Variants in EYS observed in about 807,000 individuals in gnomAD.
The protein encoded by EYS is EGF-like photoreceptor maintenance factor, also known as protein eyes shut homolog.
EYS carries 250 observed loss-of-function variants against 282.1 expected under a neutral mutation model. The ratio of observed to expected loss-of-function variants is 0.89; its 90% CI spans 0.80 to 0.98. The LOEUF is 0.98. Ranked by LOEUF, EYS falls within the 50% of genes least tolerant of loss-of-function variation. EYS has a pLI of 0.00. For missense variants in EYS, 4,016 were observed against 3,709.0 expected (o/e 1.08, Z -2.15); for synonymous variants, 1,355 against 1,282.9 (o/e 1.06, Z -1.20).
chr6:65,037,292 A>G (rs963417424), intron 13 of EYS, among the ~76,000 whole-genome samples: 3 of 151,796 alleles, frequency 2.0e-5, no homozygotes, highest in Admixed American at 6.6e-5. Flanking sequence ...GAGAACATTG[A>G]TAAGAGGACC....
chr6:63,777,200 G>A (rs1770087143), intron 40 of EYS, among the ~76,000 whole-genome samples: 1 of 152,056 alleles, frequency 6.6e-6, no homozygotes, highest in Non-Finnish European at 1.5e-5. Flanking sequence ...GGAGGTGGAG[G>A]GGATTTGTTC....
At chr6:63,864,592 A>C (rs1772626765) in intron 35 of EYS, among the ~76,000 whole-genome samples, 1 of 152,164 alleles carries the variant, frequency 6.6e-6, no homozygotes, top group Non-Finnish European at 1.5e-5. Context: ...CATGAATTCT[A>C]TTTTAAGCCA....
intron 33 of EYS, among the ~76,000 whole-genome samples, chr6:64,008,948 C>G (rs1768476457): frequency 6.6e-6 from 1 of 152,108 alleles, no homozygotes; most frequent in Non-Finnish European, 1.5e-5. Context: ...GTGTTTTGAG[C>G]ATGGTCATCT....
intron 12 of EYS, among the ~76,000 whole-genome samples, chr6:65,225,984 G>A (rs505542): frequency 0.022 from 3,272 of 151,938 alleles, 108 homozygotes; most frequent in African/African-American, 0.075. Flanking sequence ...GAACTAGACA[G>A]AGAAATCTGT....
chr6:65,331,474 A>G (rs1158621642), intron 11 of EYS: 1 of 882,650 alleles, frequency 1.1e-6, no homozygotes, highest in Non-Finnish European at 1.4e-6. Context: ...GAGAAACTTA[A>G]TTTTATATAA....
intron 33 of EYS, among the ~76,000 whole-genome samples, chr6:64,063,421 G>A (rs1323701035): frequency 6.6e-6 from 1 of 152,072 alleles, no homozygotes; most frequent in Non-Finnish European, 1.5e-5. Context: ...ATGAATATTA[G>A]TTTTTGACAC....
At chr6:64,092,429 T>C (rs1772400824) in intron 31 of EYS, among the ~76,000 whole-genome samples, 1 of 152,002 alleles carries the variant, frequency 6.6e-6, no homozygotes, top group Non-Finnish European at 1.5e-5. Context: ...TCCTGACTTT[T>C]TAATGATTGC....
intron 2 of EYS, among the ~76,000 whole-genome samples, chr6:65,623,542 T>A (rs1442592328): frequency 1.3e-5 from 2 of 152,142 alleles, no homozygotes; most frequent in Non-Finnish European, 2.9e-5. Flanking sequence ...TACAAATTTT[T>A]AGTATAGTGT....
At chr6:65,275,236 A>G (rs1370732093) in intron 12 of EYS, among the ~76,000 whole-genome samples, 1 of 152,146 alleles carries the variant, frequency 6.6e-6, no homozygotes, top group Non-Finnish European at 1.5e-5. Context: ...GTGGCTAACT[A>G]TGCTCCTTTT....
At chr6:65,162,946 CCCAA>C (rs1764886726) in intron 12 of EYS, among the ~76,000 whole-genome samples, 1 of 139,650 alleles carries the variant, frequency 7.2e-6, no homozygotes, top group South Asian at 2.3e-4. Context: ...TCTGTGTGTT[CCCAA>C]CCAAACACAT....
At chr6:65,658,575 T>C (rs1199102187) in intron 1 of EYS, among the ~76,000 whole-genome samples, 1 of 151,740 alleles carries the variant, frequency 6.6e-6, no homozygotes, top group Non-Finnish European at 1.5e-5. Context: ...CTAACATGAT[T>C]GTATTTTGAG....
At chr6:65,488,014 G>A (rs1177194435) in intron 5 of EYS, among the ~76,000 whole-genome samples, 1 of 152,000 alleles carries the variant, frequency 6.6e-6, no homozygotes, top group Non-Finnish European at 1.5e-5. Flanking sequence ...TGAGATCGAT[G>A]GTGATATCCC....
At chr6:64,940,755 C>T (rs1769063288) in intron 15 of EYS, among the ~76,000 whole-genome samples, 1 of 151,776 alleles carries the variant, frequency 6.6e-6, no homozygotes, top group Non-Finnish European at 1.5e-5. Context: ...TTGTGGAATT[C>T]AATTTAATAA....
chr6:63,943,361 G>A (rs1344890812), intron 35 of EYS, among the ~76,000 whole-genome samples: 2 of 152,096 alleles, frequency 1.3e-5, no homozygotes, highest in Non-Finnish European at 2.9e-5. Context: ...GAGTTGGTTG[G>A]TTTGATTTTT....
At chr6:64,718,352 C>T (rs964049861) in intron 22 of EYS, among the ~76,000 whole-genome samples, 1 of 152,186 alleles carries the variant, frequency 6.6e-6, no homozygotes, top group Non-Finnish European at 1.5e-5. Flanking sequence ...AATAACCCTC[C>T]TTTCACCACT....
chr6:64,077,211 A>T (rs1771804648), intron 32 of EYS, among the ~76,000 whole-genome samples: 1 of 152,028 alleles, frequency 6.6e-6, no homozygotes. Flanking sequence ...GGTACACACA[A>T]TAAAATTGAT....
chr6:63,829,301 T>A (rs1444093087), intron 36 of EYS, among the ~76,000 whole-genome samples: 1 of 152,112 alleles, frequency 6.6e-6, no homozygotes, highest in Non-Finnish European at 1.5e-5. Flanking sequence ...GTCAGGGAAT[T>A]CCCTTTCCCA....
chr6:64,182,183 T>G (rs1172710143), intron 31 of EYS, among the ~76,000 whole-genome samples: 2 of 152,310 alleles, frequency 1.3e-5, no homozygotes, highest in South Asian at 4.1e-4. Context: ...TTTCCTGTTT[T>G]TATTAAGACT....
chr6:65,305,517 G>T (rs1456843446), intron 11 of EYS, among the ~76,000 whole-genome samples: 11 of 152,210 alleles, frequency 7.2e-5, no homozygotes, highest in Admixed American at 2.0e-4. Flanking sequence ...AGCCTGTAAT[G>T]TGGGCATAAC....
Sources: gnomAD v4.1 joint callset for allele counts (sites outside exome capture counted in the v4.1 genomes callset) on GRCh38, gnomAD v4.1.1 for gene constraint, MANE v1.5 for transcripts, NCBI Gene and HGNC (gene_info 2026-07-23, HGNC 2026-07-21) for gene names.